The following EDN3 variants were observed in gnomAD, a reference collection of about 807,000 sequenced individuals.
The protein encoded by EDN3 is endothelin-3.
In EDN3, 9 loss-of-function variants were observed where a neutral mutation model predicts 21.4. That is an observed-to-expected ratio of 0.42 (90% CI 0.25 to 0.73). The LOEUF (loss-of-function observed/expected upper bound fraction) is 0.73. Among genes scored for constraint, EDN3 ranks in the 30% least tolerant of loss-of-function variants. The pLI, the probability that EDN3 is intolerant of heterozygous loss-of-function variation, is 0.26. For missense variants in EDN3, 327 were observed against 309.4 expected, an observed-to-expected ratio of 1.06 and a Z score of -0.43; for synonymous variants, 133 against 126.2, an observed-to-expected ratio of 1.05 and a Z score of -0.36.
In EDN3 at chr20:59,305,845, T is replaced by A. The variant is rs1445359498; in HGVS notation, c.365+4123T>A. 1.3e-5 allele frequency among the ~76,000 whole-genome samples: 2 copies of A among 152,250 alleles called. No homozygotes were observed. Among genetic ancestry groups the A allele is most frequent in the Non-Finnish European group, 2.9e-5 (2 of 68,048 alleles). On this transcript the variant is annotated intron_variant, in intron 2 of 4. Coordinates refer to ENST00000337938, the MANE Select transcript of EDN3 (RefSeq NM_207034.3). The surrounding 1 kb of genome is among the most constrained non-coding windows in gnomAD (Gnocchi z 4.2). ...GTCAGCTGCTTTGCTCAAAGTCTAC[T>A]GATTTAAATGTTAATCACATATCAA...
At chr20:59,306,039 C>T (rs1989384274) in intron 2 of EDN3, among the ~76,000 whole-genome samples, 1 of 152,142 alleles carries the variant, frequency 6.6e-6, no homozygotes, top group African/African-American at 2.4e-5. Flanking sequence ...CCTGTTTATC[C>T]AATGGCTGAC....
At chr20:59,319,017 A>G (rs2146871757) in intron 2 of EDN3, among the ~76,000 whole-genome samples, 1 of 152,260 alleles carries the variant, frequency 6.6e-6, no homozygotes, top group East Asian at 1.9e-4. Context: ...CAATGTCTAC[A>G]TTGTCTTGCT....
chr20:59,303,039 G>A (rs1176408372), intron 2 of EDN3, among the ~76,000 whole-genome samples: 1 of 152,196 alleles, frequency 6.6e-6, no homozygotes, highest in African/African-American at 2.4e-5. Flanking sequence ...GGGCAGGCAG[G>A]GGCTTCACAT....
rs1395389440 is a variant in EDN3, at chr20:59,322,026, A to G, written c.543-346A>G. On this transcript the variant is annotated intron_variant, in intron 3 of 4. Transcript: ENST00000337938. The surrounding 1 kb of genome is among the most constrained non-coding windows in gnomAD (Gnocchi z 4.1). ...TAGGTGAGCTGCCCTGATGCACACA[A>G]AAGACACATAGGCAGGGGTGAGCTC... Among the ~76,000 whole-genome samples, 1 of 152,174 alleles carries G rather than the reference A, an allele frequency of 6.6e-6. No homozygotes were observed. The highest frequency in any genetic ancestry group is 1.5e-5 in the Non-Finnish European group (1 of 68,026).
intron 1 of EDN3, 107 bp from the exon 2 acceptor site, chr20:59,301,301 CTT>C (rs1988994755): frequency 3.7e-6 from 5 of 1,336,604 alleles, no homozygotes; most frequent in East Asian, 5.0e-5. Context: ...GCTTTGGAAA[CTT>C]TGCAGACATT....
Position 59,315,967 on chromosome 20 carries a change from C to T in EDN3, c.366-5050C>T, listed in dbSNP as rs11570317. ...TTTGGGAGGGTGAGGGGGTGGATCA[C>T]GAGGTCAAACGACTGAGACCATTCT... On this transcript the variant is annotated intron_variant, in intron 2 of 4. Transcript: ENST00000337938. 2.3e-3 allele frequency among the ~76,000 whole-genome samples: 345 copies of T among 152,128 alleles called. 2 individuals are homozygous for T. Among genetic ancestry groups the T allele is most frequent in the African/African-American group, 8.0e-3 (330 of 41,494 alleles).
chr20:59,310,659 A>T (rs931805383), intron 2 of EDN3, among the ~76,000 whole-genome samples: 1 of 152,086 alleles, frequency 6.6e-6, no homozygotes, highest in Non-Finnish European at 1.5e-5. Context: ...GCTCTTAATA[A>T]ACAGTAACTC....
rs538596756 is a variant in EDN3, at chr20:59,308,367, A to T, written c.365+6645A>T. ...AGACATAGGAGGTGGGACTGCTCAA[A>T]TCCATCTCTTCTTGCAGATCCAGCT... On this transcript the variant is annotated intron_variant, in intron 2 of 4. Coordinates refer to ENST00000337938, the MANE Select transcript of EDN3 (RefSeq NM_207034.3). Among the ~76,000 whole-genome samples the T allele has an allele frequency of 7.2e-5, 11 of 152,304 alleles. No individual in the cohort carries two copies. In the East Asian group the frequency reaches 1.9e-3, roughly 27 times the overall value.
chr20:59,323,447 C>T (rs1244595448), intron 4 of EDN3, among the ~76,000 whole-genome samples: 5 of 152,230 alleles, frequency 3.3e-5, no homozygotes, highest in Non-Finnish European at 5.9e-5. Flanking sequence ...ACTTGTTGGG[C>T]ACCTGCTACG....
At chr20:59,308,755 C>T (rs1989596201) in intron 2 of EDN3, among the ~76,000 whole-genome samples, 2 of 152,188 alleles carry the variant, frequency 1.3e-5, no homozygotes, top group Admixed American at 1.3e-4. Context: ...CCTGCAGAAG[C>T]CCTTCCTGGG....
At chr20:59,308,562 A>C (rs1304813841) in intron 2 of EDN3, among the ~76,000 whole-genome samples, 1 of 152,156 alleles carries the variant, frequency 6.6e-6, no homozygotes, top group Non-Finnish European at 1.5e-5. Flanking sequence ...AGGAGATGTC[A>C]CCTCTGAGAC....
chr20:59,317,802 G>A (rs1255613566), intron 2 of EDN3, among the ~76,000 whole-genome samples: 1 of 152,220 alleles, frequency 6.6e-6, no homozygotes, highest in African/African-American at 2.4e-5. Context: ...CGCCAGACTA[G>A]AATGATCTCA....
intron 2 of EDN3, among the ~76,000 whole-genome samples, chr20:59,310,972 A>G (rs1989765762): frequency 6.6e-6 from 1 of 152,160 alleles, no homozygotes; most frequent in Non-Finnish European, 1.5e-5. Flanking sequence ...TCCCTCATGT[A>G]CAAACTTTCA....
rs1010724675 is a variant in EDN3, at chr20:59,305,847, A to C, written c.365+4125A>C. Among the ~76,000 whole-genome samples the C allele has an allele frequency of 1.3e-5, 2 of 152,206 alleles. No individual in the cohort carries two copies. The highest frequency in any genetic ancestry group is 4.8e-5 in the African/African-American group (2 of 41,448). Reference sequence around the variant, plus strand: ...CAGCTGCTTTGCTCAAAGTCTACTGATTTAAATGTTAATCACATATCAAAA... The same window carrying C: ...CAGCTGCTTTGCTCAAAGTCTACTGCTTTAAATGTTAATCACATATCAAAA... On this transcript the variant is annotated intron_variant, in intron 2 of 4. Coordinates refer to ENST00000337938, the MANE Select transcript of EDN3 (RefSeq NM_207034.3). The surrounding 1 kb of genome is among the most constrained non-coding windows in gnomAD (Gnocchi z 4.2).
intron 2 of EDN3, among the ~76,000 whole-genome samples, chr20:59,311,881 A>C (rs1989841950): frequency 6.6e-6 from 1 of 152,210 alleles, no homozygotes; most frequent in South Asian, 2.1e-4. Flanking sequence ...GGTTAGGTGG[A>C]AGATGAGCGT....
Position 59,324,349 on chromosome 20 carries a change from C to G in EDN3, c.607C>G (p.Gln203Glu), listed in dbSNP as rs1403735151. Residue 203 changes from glutamine to glutamate, a missense_variant, in exon 5 of 5, where the codon CAA becomes GAA. Physicochemically the swap from Gln to Glu is conservative, Grantham distance 29. Transcript: ENST00000337938. ...EEGKVEVKDQ[Q>E]SKQALDLHHP... ...AAGACAGGTTGAAGTCAAGGACCAA[C>G]AAAGCAAGCAGGCTTTAGACCTCCA... The G allele has an allele frequency of 6.2e-7, 1 of 1,614,086 alleles. No homozygotes were observed. The highest frequency in any genetic ancestry group is 1.7e-5 in the Admixed American group (1 of 60,016).
intron 2 of EDN3, among the ~76,000 whole-genome samples, chr20:59,310,212 G>GC (rs1453007773): frequency 1.3e-5 from 2 of 152,174 alleles, no homozygotes; most frequent in Admixed American, 1.3e-4. Flanking sequence ...GCACCACCCC[G>GC]CGTTCCAGTG....
In EDN3 at chr20:59,322,268, C is replaced by G; in HGVS notation, c.543-104C>G. 7.7e-7 allele frequency: 1 copy of G among 1,305,274 alleles called. No individual in the cohort carries two copies. Among genetic ancestry groups the G allele is most frequent in the Non-Finnish European group, 1.1e-6 (1 of 903,210 alleles). The allele number at this position is 1,305,274 out of a possible 1,614,324, so 80.9% of individuals were successfully genotyped here. On this transcript the variant is annotated intron_variant, in intron 3 of 4. Transcript: ENST00000337938. This position sits in a 1 kb window ranked among gnomAD's most constrained non-coding sequence, Gnocchi z 4.1. ...TGAGACGCAGTCCTTGGGGAACGCA[C>G]TAATGTGCTCATTGGTGGGGAAGAG...
At chr20:59,303,602 G>C (rs1317017287) in intron 2 of EDN3, among the ~76,000 whole-genome samples, 1 of 152,170 alleles carries the variant, frequency 6.6e-6, no homozygotes, top group Non-Finnish European at 1.5e-5. Context: ...TTCATTCGTT[G>C]CCTGTTTACC....
Sources: gnomAD v4.1 joint callset for allele counts (sites outside exome capture counted in the v4.1 genomes callset) on GRCh38, gnomAD v4.1.1 for gene constraint, Gnocchi (gnomAD v3.1) non-coding constraint, MANE v1.5 for transcripts, NCBI Gene and HGNC (gene_info 2026-07-23, HGNC 2026-07-21) for gene names.